The following CACNA1D variants were observed in gnomAD, a reference collection of about 807,000 sequenced individuals.
CACNA1D encodes the protein voltage-dependent L-type calcium channel subunit alpha-1D.
In CACNA1D, 55 loss-of-function variants were observed where a neutral mutation model predicts 257.1. The ratio of observed to expected loss-of-function variants is 0.21; its 90% CI spans 0.17 to 0.27. CACNA1D has a LOEUF of 0.27. Ranked by LOEUF, CACNA1D falls within the 10% of genes least tolerant of loss-of-function variation. The pLI is 1.00. For missense variants in CACNA1D, 1,876 were observed against 2,784.0 expected, an observed-to-expected ratio of 0.67 and a Z score of 7.34; for synonymous variants, 980 against 1,014.9, an observed-to-expected ratio of 0.97 and a Z score of 0.65.
At chr3:53,757,072 G>A (rs935551251) in intron 29 of CACNA1D, among the ~76,000 whole-genome samples, 2 of 152,218 alleles carry the variant, frequency 1.3e-5, no homozygotes, top group Non-Finnish European at 2.9e-5. Context: ...TCATGCTGCT[G>A]TGCAGAGCTG....
intron 3 of CACNA1D, among the ~76,000 whole-genome samples, chr3:53,605,270 A>T (rs1203208042): frequency 6.6e-6 from 1 of 152,166 alleles, no homozygotes; most frequent in Non-Finnish European, 1.5e-5. Context: ...TGTGTCTGGC[A>T]CCGTGGGAAG....
chr3:53,608,360 T>C (rs1003761625), intron 3 of CACNA1D, among the ~76,000 whole-genome samples: 12 of 152,236 alleles, frequency 7.9e-5, no homozygotes, highest in African/African-American at 1.2e-4. Context: ...TGTAAACTCA[T>C]TTCTTAGTTA....
intron 9 of CACNA1D, among the ~76,000 whole-genome samples, chr3:53,717,401 TC>T (rs2094830994): frequency 2.0e-5 from 3 of 152,014 alleles, no homozygotes; most frequent in Admixed American, 1.3e-4. Flanking sequence ...CTGCCTGGGC[TC>T]CAGCACGTGT....
chr3:53,809,629 C>G (rs367571589), intron 46 of CACNA1D: 3 of 359,354 alleles, frequency 8.3e-6, no homozygotes, highest in Middle Eastern at 1.7e-3. Context: ...GAATGTACTT[C>G]GGTATTTAAA....
chr3:53,554,625 TTA>T, intron 3 of CACNA1D, among the ~76,000 whole-genome samples: 1 of 152,380 alleles, frequency 6.6e-6, no homozygotes, highest in East Asian at 1.9e-4. Context: ...TAGTTACTTT[TTA>T]GTCTCCCTCA....
At chr3:53,535,477 C>A (rs1028775694) in intron 3 of CACNA1D, among the ~76,000 whole-genome samples, 1 of 152,124 alleles carries the variant, frequency 6.6e-6, no homozygotes, top group Non-Finnish European at 1.5e-5. Flanking sequence ...AGCCTCCTGA[C>A]CTGGGGGGTG....
chr3:53,569,182 C>T (rs2107678930), intron 3 of CACNA1D, among the ~76,000 whole-genome samples: 1 of 152,284 alleles, frequency 6.6e-6, no homozygotes, highest in East Asian at 1.9e-4. Context: ...TATCAGCACT[C>T]GCTCCCTCAA....
chr3:53,608,941 C>A (rs541293828), intron 3 of CACNA1D, among the ~76,000 whole-genome samples: 1 of 152,058 alleles, frequency 6.6e-6, no homozygotes, highest in African/African-American at 2.4e-5. Flanking sequence ...TTATAGTTTT[C>A]TTTCTTTAAA....
intron 5 of CACNA1D, among the ~76,000 whole-genome samples, chr3:53,660,778 G>A (rs2094196306): frequency 6.6e-6 from 1 of 151,946 alleles, no homozygotes; most frequent in Non-Finnish European, 1.5e-5. Context: ...ACCCAGCTCT[G>A]GGGGAAGGGA....
chr3:53,514,756 G>A (rs1315995503), intron 3 of CACNA1D, among the ~76,000 whole-genome samples: 1 of 152,172 alleles, frequency 6.6e-6, no homozygotes, highest in Non-Finnish European at 1.5e-5. Context: ...CTGGTGAAGA[G>A]CTGGCTGGAT....
chr3:53,719,832 G>A (rs2094862682), intron 11 of CACNA1D, 51 bp downstream of exon 11: 1 of 1,534,356 alleles, frequency 6.5e-7, no homozygotes, highest in South Asian at 1.1e-5. Flanking sequence ...GCCTTTGTAT[G>A]TTCTCACTTC....
intron 8 of CACNA1D, among the ~76,000 whole-genome samples, chr3:53,684,271 G>T (rs1389340728): frequency 3.3e-5 from 5 of 152,126 alleles, no homozygotes; most frequent in African/African-American, 1.2e-4. Context: ...GTTAAAGGAG[G>T]TTCTTCAGGC....
intron 44 of CACNA1D, among the ~76,000 whole-genome samples, chr3:53,804,627 G>A (rs934235224): frequency 6.6e-6 from 1 of 152,202 alleles, no homozygotes; most frequent in African/African-American, 2.4e-5. Flanking sequence ...CATGCTTCAT[G>A]CATCTTGGTG....
At chr3:53,518,387 T>G (rs1483875597) in intron 3 of CACNA1D, among the ~76,000 whole-genome samples, 1 of 152,226 alleles carries the variant, frequency 6.6e-6, no homozygotes, top group Non-Finnish European at 1.5e-5. Flanking sequence ...TAATGAAGCA[T>G]CACTCTGTCT....
At chr3:53,651,197 G>A (rs1377231961) in intron 4 of CACNA1D, among the ~76,000 whole-genome samples, 2 of 152,032 alleles carry the variant, frequency 1.3e-5, no homozygotes, top group African/African-American at 4.8e-5. Context: ...ACCTAACACG[G>A]TCTTGGATCT....
chr3:53,572,665 G>T (rs2092969248), intron 3 of CACNA1D, among the ~76,000 whole-genome samples: 2 of 152,166 alleles, frequency 1.3e-5, no homozygotes, highest in Non-Finnish European at 2.9e-5. Context: ...CTCTCAAAGT[G>T]CTGGGATTAC....
At chr3:53,519,944 C>G (rs1273419255) in intron 3 of CACNA1D, among the ~76,000 whole-genome samples, 2 of 152,162 alleles carry the variant, frequency 1.3e-5, no homozygotes, top group Admixed American at 6.5e-5. Flanking sequence ...ATAATGTTTT[C>G]AAGGTTGATT....
rs144604299 is a variant in CACNA1D at position 53,593,206 on chromosome 3, A to G, written c.484-57573A>G. Reference sequence around the variant, plus strand: ...TTTTGAAACTGTCATTCCTACCTATAGGTAGATAAGGGCAAGAGATTATAA... The same window carrying G: ...TTTTGAAACTGTCATTCCTACCTATGGGTAGATAAGGGCAAGAGATTATAA... On this transcript the variant is annotated intron_variant, in intron 3 of 47. Coordinates refer to ENST00000350061, the MANE Select transcript of CACNA1D (RefSeq NM_001128840.3). Among the ~76,000 whole-genome samples, 448 of 152,312 alleles carry G rather than the reference A, an allele frequency of 2.9e-3. 6 individuals are homozygous for G. The highest frequency in any genetic ancestry group is 0.01 in the African/African-American group (421 of 41,554).
At chr3:53,562,949 A>G (rs1271324779) in intron 3 of CACNA1D, among the ~76,000 whole-genome samples, 1 of 152,232 alleles carries the variant, frequency 6.6e-6, no homozygotes, top group Non-Finnish European at 1.5e-5. Flanking sequence ...GGAATGTCAC[A>G]AGAAAGTCCA....
Sources: gnomAD v4.1 joint callset for allele counts (sites outside exome capture counted in the v4.1 genomes callset) on GRCh38, gnomAD v4.1.1 for gene constraint, MANE v1.5 for transcripts, NCBI Gene and HGNC (gene_info 2026-07-23, HGNC 2026-07-21) for gene names.